Variants in PRKG1 observed in about 807,000 individuals in gnomAD.
PRKG1 encodes cGMP-dependent protein kinase 1.
In PRKG1, 35 loss-of-function variants were observed where a neutral mutation model predicts 88.1. The ratio of observed to expected loss-of-function variants is 0.40; its 90% CI spans 0.30 to 0.53. The LOEUF is 0.53. Among genes scored for constraint, PRKG1 ranks in the 20% least tolerant of loss-of-function variants. The probability of loss-of-function intolerance (pLI) is 0.59; values close to 1 mark genes in which losing one functional copy is unlikely to be tolerated. For missense variants in PRKG1, 540 were observed against 839.8 expected (o/e 0.64, Z 4.41); for synonymous variants, 303 against 292.5 (o/e 1.04, Z -0.37).
intron 3 of PRKG1, among the ~76,000 whole-genome samples, chr10:51,624,057 A>G (rs1839275009): frequency 1.3e-5 from 2 of 152,080 alleles, no homozygotes; most frequent in Admixed American, 6.5e-5. Flanking sequence ...TTTTTTCCCA[A>G]TCCAGCATGA....
intron 2 of PRKG1, among the ~76,000 whole-genome samples, chr10:51,309,317 A>G (rs1841120967): frequency 6.6e-6 from 1 of 152,220 alleles, no homozygotes; most frequent in Non-Finnish European, 1.5e-5. Flanking sequence ...AGAATGGGAG[A>G]AAATACTTGC....
intron 2 of PRKG1, among the ~76,000 whole-genome samples, chr10:51,347,534 G>T (rs1039223722): frequency 1.3e-5 from 2 of 151,980 alleles, no homozygotes; most frequent in Non-Finnish European, 2.9e-5. Context: ...CTAAAAACTG[G>T]TAATGCCATT....
chr10:52,126,947 T>C (rs985001357), intron 7 of PRKG1, among the ~76,000 whole-genome samples: 1 of 152,176 alleles, frequency 6.6e-6, no homozygotes. Flanking sequence ...TTAAAAGTTC[T>C]TGTGCAAAGA....
At chr10:51,934,419 A>G (rs1178312218) in intron 5 of PRKG1, among the ~76,000 whole-genome samples, 1 of 152,184 alleles carries the variant, frequency 6.6e-6, no homozygotes, top group African/African-American at 2.4e-5. Context: ...TTAGCTTCAC[A>G]CTTTTGAAAT....
intron 4 of PRKG1, among the ~76,000 whole-genome samples, chr10:51,845,321 G>T (rs1222740090): frequency 2.0e-5 from 3 of 152,046 alleles, no homozygotes; most frequent in Non-Finnish European, 4.4e-5. Context: ...ACCACCTCTT[G>T]TGTAATGCCT....
intron 7 of PRKG1, among the ~76,000 whole-genome samples, chr10:52,109,707 G>A (rs1847510091): frequency 6.7e-6 from 1 of 149,478 alleles, no homozygotes; most frequent in Non-Finnish European, 1.5e-5. Flanking sequence ...TGTCGGCAGT[G>A]AGACGACATC....
At chr10:51,842,541 T>C (rs1160276825) in intron 4 of PRKG1, among the ~76,000 whole-genome samples, 1 of 152,168 alleles carries the variant, frequency 6.6e-6, no homozygotes, top group Non-Finnish European at 1.5e-5. Flanking sequence ...ACATGTTTAG[T>C]GACAATGTGT....
At chr10:51,932,718 G>T (rs1351506550) in intron 5 of PRKG1, among the ~76,000 whole-genome samples, 1 of 152,106 alleles carries the variant, frequency 6.6e-6, no homozygotes, top group Non-Finnish European at 1.5e-5. Context: ...CCAGCTGCTT[G>T]TGAAAAATTG....
intron 9 of PRKG1, among the ~76,000 whole-genome samples, chr10:52,193,324 C>T (rs961228410): frequency 1.3e-5 from 2 of 151,968 alleles, no homozygotes; most frequent in East Asian, 3.9e-4. Flanking sequence ...ACGGGTGGAT[C>T]ACCTGAGGTC....
intron 5 of PRKG1, among the ~76,000 whole-genome samples, chr10:51,917,376 A>T (rs1373653808): frequency 1.3e-5 from 2 of 152,148 alleles, no homozygotes; most frequent in South Asian, 2.1e-4. Context: ...AACATTCTAA[A>T]ATTTGATGGT....
chr10:51,339,887 A>G (rs374034076), intron 2 of PRKG1, among the ~76,000 whole-genome samples: 3 of 152,212 alleles, frequency 2.0e-5, no homozygotes, highest in African/African-American at 7.2e-5. Context: ...ATCTCTGGTC[A>G]TCTCTGATTA....
At chr10:51,113,940 T>C (rs2131901379) in intron 1 of PRKG1, among the ~76,000 whole-genome samples, 1 of 138,774 alleles carries the variant, frequency 7.2e-6, no homozygotes, top group East Asian at 2.1e-4. Context: ...AGTCAGCCTG[T>C]AAACGTGTGT....
intron 5 of PRKG1, among the ~76,000 whole-genome samples, chr10:52,027,739 C>T (rs907432773): frequency 7.2e-5 from 11 of 152,174 alleles, no homozygotes; most frequent in Admixed American, 2.0e-4. Flanking sequence ...AATGGATTAA[C>T]TAAATTGGAA....
intron 3 of PRKG1, among the ~76,000 whole-genome samples, chr10:51,705,965 G>T (rs551233973): frequency 6.6e-6 from 1 of 152,294 alleles, no homozygotes; most frequent in Non-Finnish European, 1.5e-5. Context: ...TGACGCCTGG[G>T]CACCATCTCC....
intron 1 of PRKG1, among the ~76,000 whole-genome samples, chr10:51,034,668 T>TATATATA (rs1554831109): frequency 1.2e-4 from 8 of 68,188 alleles, no homozygotes; most frequent in East Asian, 5.1e-4. Context: ...AATATGTTAT[T>TATATATA]TATATATATA....
intron 2 of PRKG1, among the ~76,000 whole-genome samples, chr10:51,189,167 A>G (rs1252458428): frequency 6.6e-6 from 1 of 151,866 alleles, no homozygotes; most frequent in Non-Finnish European, 1.5e-5. Context: ...AACTCTCTTT[A>G]GGAAAAGAGG....
chr10:51,544,927 T>C (rs561970617), intron 3 of PRKG1, among the ~76,000 whole-genome samples: 37 of 151,228 alleles, frequency 2.4e-4, no homozygotes, highest in African/African-American at 8.5e-4. Flanking sequence ...ACAGACAACA[T>C]GAAAAAATGC....
chr10:51,908,355 G>A (rs1842130543), intron 5 of PRKG1: 1 of 152,156 alleles, frequency 6.6e-6, no homozygotes, highest in African/African-American at 2.4e-5. Flanking sequence ...ATTAACAGGA[G>A]AAAATGTCAT....
intron 3 of PRKG1, among the ~76,000 whole-genome samples, chr10:51,599,507 A>G (rs1028595155): frequency 6.6e-6 from 1 of 152,192 alleles, no homozygotes; most frequent in Non-Finnish European, 1.5e-5. Flanking sequence ...GAATCAAATT[A>G]TTAGTATTGA....
Sources: allele counts gnomAD v4.1 joint callset (sites outside exome capture counted in the v4.1 genomes callset), GRCh38; gene constraint gnomAD v4.1.1; transcripts MANE v1.5; gene names NCBI Gene and HGNC (gene_info 2026-07-23, HGNC 2026-07-21).